SLX4IP: variants seen among roughly 807,000 people sequenced by gnomAD.
SLX4IP encodes the protein SLX4 interacting protein.
A neutral mutation model predicts 32.9 loss-of-function variants in SLX4IP; 34 were observed. The ratio of observed to expected loss-of-function variants is 1.03; its 90% CI spans 0.79 to 1.38. The LOEUF is 1.38. Ranked by LOEUF, SLX4IP falls within the 40% of genes most tolerant of loss-of-function variation. The pLI is 0.00. For missense variants in SLX4IP, 444 were observed against 479.0 expected, an observed-to-expected ratio of 0.93 and a Z score of 0.68; for synonymous variants, 172 against 171.7, an observed-to-expected ratio of 1.00 and a Z score of -0.01.
intron 2 of SLX4IP, among the ~76,000 whole-genome samples, chr20:10,532,646 G>C (rs1024721657): frequency 6.6e-5 from 10 of 152,026 alleles, no homozygotes; most frequent in Non-Finnish European, 1.3e-4. Context: ...TCTTAAATAG[G>C]GGTTCGTATT....
At chr20:10,575,392 TA>T (rs1464652262) in intron 4 of SLX4IP, among the ~76,000 whole-genome samples, 1 of 152,056 alleles carries the variant, frequency 6.6e-6, no homozygotes, top group African/African-American at 2.4e-5. Flanking sequence ...CATTGGGTAA[TA>T]ATGTATTGGG....
intron 2 of SLX4IP, among the ~76,000 whole-genome samples, chr20:10,509,265 T>G (rs978969604): frequency 6.6e-6 from 1 of 152,194 alleles, no homozygotes; most frequent in South Asian, 2.1e-4. Flanking sequence ...TATTCAATTA[T>G]AAAGATAGTG....
In SLX4IP at chr20:10,518,467, CCTTTCTTTTCCTTTCCTTTCCTT is replaced by C. The variant is rs1568720184; in HGVS notation, c.28-37763_28-37741del. Among the ~76,000 whole-genome samples the C allele has an allele frequency of 1.2e-3, 54 of 44,874 alleles. 4 individuals are homozygous for C. The South Asian group carries it at 0.048, about 40-fold the overall frequency. 29.4% of individuals were successfully genotyped at this position (44,874 alleles called of 152,430 possible). A position where few individuals can be genotyped will look rare whatever the true frequency, so the allele number is the denominator to read the frequency against. ...CCTTCCTTCCTTCCTTCCTTCCTTT[CCTTTCTTTTCCTTTCCTTTCCTT>C]TTCCTTCCTTCCTTCCTTCCTTCCT... is the stretch of plus-strand genomic sequence containing the variant. On this transcript the variant is annotated intron_variant, in intron 2 of 7. Coordinates refer to ENST00000334534, the MANE Select transcript of SLX4IP (RefSeq NM_001009608.3).
intron 6 of SLX4IP, among the ~76,000 whole-genome samples, chr20:10,611,690 G>A (rs2066968499): frequency 6.6e-6 from 1 of 152,202 alleles, no homozygotes; most frequent in Non-Finnish European, 1.5e-5. Flanking sequence ...GATGGGGGTT[G>A]AAGATGTGAT....
At chr20:10,568,567 A>G (rs2066422786) in intron 4 of SLX4IP, among the ~76,000 whole-genome samples, 1 of 152,210 alleles carries the variant, frequency 6.6e-6, no homozygotes, top group African/African-American at 2.4e-5. Context: ...CCAAAGAGGA[A>G]AGTGAGATAA....
At chr20:10,609,931 A>G (rs2043566326) in intron 6 of SLX4IP, among the ~76,000 whole-genome samples, 2 of 141,428 alleles carry the variant, frequency 1.4e-5, no homozygotes, top group Admixed American at 1.4e-4. Flanking sequence ...ATTCCTTAAA[A>G]TTAAAAAAAA....
rs183596275 is a variant in SLX4IP at position 10,470,687 on chromosome 20, A to G, written c.27+12456A>G. 1.5e-3 allele frequency among the ~76,000 whole-genome samples: 226 copies of G among 152,364 alleles called. 1 individual carries two copies. Among genetic ancestry groups the G allele is most frequent in the Admixed American group, 0.012 (180 of 15,306 alleles). ...GTTCCACAGTGGAATAGCATTATAT[A>G]GATTCTGGTAAGGTATGTACCAGGT... is the stretch of plus-strand genomic sequence containing the variant. On this transcript the variant is annotated intron_variant, in intron 2 of 7. Transcript: ENST00000334534.
At chr20:10,554,489 C>A (rs912429196) in intron 2 of SLX4IP, among the ~76,000 whole-genome samples, 2 of 152,138 alleles carry the variant, frequency 1.3e-5, no homozygotes, top group Admixed American at 1.3e-4. Context: ...AGTAAATGTA[C>A]GTTTAGCTAC....
chr20:10,575,133 A>G (rs1477295707), intron 4 of SLX4IP, among the ~76,000 whole-genome samples: 1 of 152,122 alleles, frequency 6.6e-6, no homozygotes, highest in East Asian at 1.9e-4. Flanking sequence ...GAGTAGGAGG[A>G]AAAGTAATAG....
At chr20:10,472,491 A>G (rs1198704599) in intron 2 of SLX4IP, among the ~76,000 whole-genome samples, 1 of 152,148 alleles carries the variant, frequency 6.6e-6, no homozygotes, top group African/African-American at 2.4e-5. Context: ...TGGACTCCCA[A>G]AGTGCTGGGA....
intron 6 of SLX4IP, among the ~76,000 whole-genome samples, chr20:10,608,974 G>A (rs546421842): frequency 2.6e-4 from 39 of 152,218 alleles, no homozygotes; most frequent in African/African-American, 9.1e-4. Context: ...AGAGTTAAGT[G>A]ATAAACCCCC....
At chr20:10,541,627 T>C (rs1414245791) in intron 2 of SLX4IP, among the ~76,000 whole-genome samples, 1 of 152,234 alleles carries the variant, frequency 6.6e-6, no homozygotes, top group Admixed American at 6.5e-5. Flanking sequence ...ATTGTAGATA[T>C]AGAACATGTG....
intron 3 of SLX4IP, among the ~76,000 whole-genome samples, chr20:10,558,860 G>T (rs2066299402): frequency 6.6e-6 from 1 of 152,188 alleles, no homozygotes. Context: ...GTGTGGTGTG[G>T]TCGGTTACTG....
chr20:10,485,532 G>C (rs1016968288), intron 2 of SLX4IP, among the ~76,000 whole-genome samples: 1 of 151,672 alleles, frequency 6.6e-6, no homozygotes, highest in Non-Finnish European at 1.5e-5. Flanking sequence ...CAGGAGAATC[G>C]CTTGAACCCA....
chr20:10,580,615 T>G (rs2066573902), intron 4 of SLX4IP, among the ~76,000 whole-genome samples: 1 of 151,428 alleles, frequency 6.6e-6, no homozygotes, highest in South Asian at 2.1e-4. Context: ...CTCAGTTGAG[T>G]CCCTCAGGAG....
intron 5 of SLX4IP, among the ~76,000 whole-genome samples, chr20:10,600,812 A>C (rs926646722): frequency 2.6e-5 from 4 of 152,210 alleles, no homozygotes; most frequent in Non-Finnish European, 4.4e-5. Flanking sequence ...TCTATCACAA[A>C]TATCAGACAT....
At chr20:10,601,664 T>A in intron 5 of SLX4IP, 67 bp from the exon 6 acceptor site, 1 of 1,358,118 alleles carries the variant, frequency 7.4e-7, no homozygotes, top group South Asian at 1.2e-5. Context: ...AACAAAAATC[T>A]GGAACAACCA....
chr20:10,560,942 C>A, intron 4 of SLX4IP, 122 bp downstream of exon 4: 2 of 988,742 alleles, frequency 2.0e-6, no homozygotes, highest in African/African-American at 1.7e-5. Flanking sequence ...AAAATATGTC[C>A]TAATGAAGAT....
chr20:10,457,797 A>G (rs6104616), intron 1 of SLX4IP, among the ~76,000 whole-genome samples: 75,541 of 151,300 alleles, frequency 0.5, 20,154 homozygotes, highest in Non-Finnish European at 0.6. Context: ...TACACATTTG[A>G]TAGAATGTAG....
Sources: allele counts gnomAD v4.1 joint callset (sites outside exome capture counted in the v4.1 genomes callset), GRCh38; gene constraint gnomAD v4.1.1; transcripts MANE v1.5; gene names NCBI Gene and HGNC (gene_info 2026-07-23, HGNC 2026-07-21).